The following TBC1D5 variants were observed in gnomAD, a reference collection of about 807,000 sequenced individuals.
TBC1D5 encodes the protein TBC1 domain family member 5.
TBC1D5 carries 75 observed loss-of-function variants against 100.3 expected under a neutral mutation model. The ratio of observed to expected loss-of-function variants is 0.75; its 90% CI spans 0.62 to 0.91. TBC1D5 has a LOEUF of 0.91. Ranked by LOEUF, TBC1D5 falls within the 40% of genes least tolerant of loss-of-function variation. The probability of loss-of-function intolerance (pLI) is 0.00; values close to 1 mark genes in which losing one functional copy is unlikely to be tolerated. For missense variants in TBC1D5, 910 were observed against 942.4 expected (o/e 0.97, Z 0.45); for synonymous variants, 323 against 325.6 (o/e 0.99, Z 0.09).
chr3:17,442,986 C>A (rs747336690), intron 3 of TBC1D5, among the ~76,000 whole-genome samples: 4 of 151,998 alleles, frequency 2.6e-5, no homozygotes, highest in Admixed American at 6.6e-5. Context: ...GAGAAAAATT[C>A]TCCAGAGGAT....
At chr3:17,539,034 T>C (rs1453876538) in intron 2 of TBC1D5, among the ~76,000 whole-genome samples, 1 of 151,990 alleles carries the variant, frequency 6.6e-6, no homozygotes, top group Non-Finnish European at 1.5e-5. Context: ...ATACAAAAAA[T>C]TAGCCAGGCA....
intron 13 of TBC1D5, among the ~76,000 whole-genome samples, chr3:17,337,123 G>GTTTTTTTTTTTTTTT (rs11328091): frequency 3.5e-4 from 41 of 116,132 alleles, no homozygotes; most frequent in African/African-American, 1.2e-3. Context: ...TATCTGAGAG[G>GTTTTTTTTTTTTTTT]TTTTTTTTTT....
intron 3 of TBC1D5, among the ~76,000 whole-genome samples, chr3:17,478,167 T>G (rs963810899): frequency 1.3e-5 from 2 of 152,200 alleles, no homozygotes; most frequent in African/African-American, 4.8e-5. Flanking sequence ...TGAGCTCTCA[T>G]TGCTTCCATT....
At chr3:17,640,093 A>AAT (rs938707087) in intron 1 of TBC1D5, among the ~76,000 whole-genome samples, 25 of 152,226 alleles carry the variant, frequency 1.6e-4, no homozygotes, top group African/African-American at 6.0e-4. Context: ...AGAGAAATAT[A>AAT]ATACAGAGGA....
intron 18 of TBC1D5, among the ~76,000 whole-genome samples, chr3:17,212,881 TATA>T (rs530378197): frequency 2.2e-3 from 332 of 152,286 alleles, no homozygotes; most frequent in African/African-American, 7.7e-3. Context: ...AAGTAAAAGT[TATA>T]ATAAGGTAAG....
intron 17 of TBC1D5, among the ~76,000 whole-genome samples, chr3:17,225,002 C>T (rs753168672): frequency 1.3e-5 from 2 of 152,020 alleles, no homozygotes; most frequent in African/African-American, 2.4e-5. Flanking sequence ...ATTTTTGTGC[C>T]CTCTGGGAAC....
chr3:17,682,074 TCCATGAAACCAATCCCTGGTG>T (rs750006137), intron 1 of TBC1D5, among the ~76,000 whole-genome samples: 2 of 151,260 alleles, frequency 1.3e-5, no homozygotes, highest in Non-Finnish European at 2.9e-5. Flanking sequence ...AAAATTGTCT[TCCATGAAACCAATCCCTGGTG>T]CCAAAAAGGT....
chr3:17,629,460 A>T (rs2063320572), intron 1 of TBC1D5, among the ~76,000 whole-genome samples: 1 of 152,228 alleles, frequency 6.6e-6, no homozygotes, highest in Admixed American at 6.5e-5. Flanking sequence ...GTATAAAATA[A>T]AGTCTAAAGG....
chr3:17,420,544 A>T (rs6809000), intron 4 of TBC1D5, among the ~76,000 whole-genome samples: 13,784 of 152,162 alleles, frequency 0.091, 1,413 homozygotes, highest in African/African-American at 0.25. Flanking sequence ...GAATTTTTTT[A>T]AAAAAATTAA....
At chr3:17,694,680 A>G (rs2071729061) in intron 1 of TBC1D5, among the ~76,000 whole-genome samples, 3 of 152,362 alleles carry the variant, frequency 2.0e-5, no homozygotes, top group African/African-American at 7.2e-5. Flanking sequence ...TCTTCAGGAT[A>G]TTATCCAGGA....
At chr3:17,686,195 C>G (rs575677243) in intron 1 of TBC1D5, among the ~76,000 whole-genome samples, 1 of 152,190 alleles carries the variant, frequency 6.6e-6, no homozygotes, top group African/African-American at 2.4e-5. Context: ...GATGAGATCC[C>G]TTAACTGTTA....
At position 17,627,689 on chromosome 3, in the gene TBC1D5, A is replaced by G. The variant is rs547237127; in HGVS notation, c.-100-3776T>C. Among the ~76,000 whole-genome samples, 25 of 151,346 alleles carry G rather than the reference A, an allele frequency of 1.7e-4. No individual in the cohort carries two copies. In the South Asian group the frequency reaches 2.3e-3, roughly 14 times the overall value. ...TTTTTTTTGAGAGAGAGAGAGAGAGAGGGGCTATGTTAGGATATAAATGAG... is the reference window on the plus strand; with the variant it reads ...TTTTTTTTGAGAGAGAGAGAGAGAGGGGGGCTATGTTAGGATATAAATGAG... On this transcript the variant is annotated intron_variant, in intron 1 of 21. Transcript: ENST00000253692.
chr3:17,720,481 A>T (rs1367468448), intron 1 of TBC1D5, among the ~76,000 whole-genome samples: 1 of 152,212 alleles, frequency 6.6e-6, no homozygotes, highest in Non-Finnish European at 1.5e-5. Context: ...ACTAGAAAAT[A>T]ATTTGCAAGG....
intron 13 of TBC1D5, among the ~76,000 whole-genome samples, chr3:17,360,209 T>C (rs752286584): frequency 1.3e-5 from 2 of 152,066 alleles, no homozygotes; most frequent in Non-Finnish European, 2.9e-5. Context: ...GAAAGTTTTA[T>C]TTTTCCTGAC....
chr3:17,450,419 G>A (rs1221841578), intron 3 of TBC1D5, among the ~76,000 whole-genome samples: 2 of 152,082 alleles, frequency 1.3e-5, no homozygotes, highest in Admixed American at 6.6e-5. Flanking sequence ...CAGAAGGTGG[G>A]TAACAACAAA....
At chr3:17,206,371 C>G (rs2072186341) in intron 18 of TBC1D5, among the ~76,000 whole-genome samples, 1 of 152,118 alleles carries the variant, frequency 6.6e-6, no homozygotes, top group Non-Finnish European at 1.5e-5. Context: ...TAGGATTGCT[C>G]TCTTATATTT....
intron 13 of TBC1D5, among the ~76,000 whole-genome samples, chr3:17,314,953 G>A (rs905199267): frequency 1.3e-5 from 2 of 152,220 alleles, no homozygotes; most frequent in Admixed American, 6.5e-5. Context: ...TGATACAGAA[G>A]ATTTAATGAG....
chr3:17,158,247 G>A (rs2065756333), exon 22 of TBC1D5: 1 of 152,214 alleles, frequency 6.6e-6, no homozygotes, highest in South Asian at 2.1e-4. Context: ...AGGAGATGAT[G>A]ATGATGGGAA....
At chr3:17,618,119 T>C (rs1395959325) in intron 2 of TBC1D5, among the ~76,000 whole-genome samples, 4 of 151,894 alleles carry the variant, frequency 2.6e-5, no homozygotes, top group African/African-American at 9.7e-5. Context: ...TTGATGCTAT[T>C]CCTTTCTGTT....
Sources: allele counts gnomAD v4.1 joint callset (sites outside exome capture counted in the v4.1 genomes callset), GRCh38; gene constraint gnomAD v4.1.1; transcripts MANE v1.5; gene names NCBI Gene and HGNC (gene_info 2026-07-23, HGNC 2026-07-21).